HECTD4: variants seen among roughly 807,000 people sequenced by gnomAD.
HECTD4 encodes the protein HECT domain E3 ubiquitin protein ligase 4.
In HECTD4, 114 loss-of-function variants were observed where a neutral mutation model predicts 471.5. That is an observed-to-expected ratio of 0.24 (90% CI 0.21 to 0.28). The LOEUF is 0.28. HECTD4 is among the 10% of genes least tolerant of loss of function. The pLI, the probability that HECTD4 is intolerant of heterozygous loss-of-function variation, is 1.00. For synonymous variants in HECTD4, 2,012 were observed against 2,256.0 expected (o/e 0.89, Z 3.07); for missense variants, 3,866 against 5,651.5 (o/e 0.68, Z 10.13).
At chr12:112,279,529 T>C in intron 8 of HECTD4, 143 bp from the exon 9 acceptor site, 1 of 691,322 alleles carries the variant, frequency 1.4e-6, no homozygotes, top group Non-Finnish European at 2.3e-6. Context: ...GAAAACAGAA[T>C]AAGAAGTAAT....
At chr12:112,367,835 A>AC (rs906579023) in intron 1 of HECTD4, among the ~76,000 whole-genome samples, 2 of 149,290 alleles carry the variant, frequency 1.3e-5, no homozygotes, top group African/African-American at 4.9e-5. Context: ...AAAAAAAAAA[A>AC]AAAAAAAAAA....
At chr12:112,295,519 T>TC (rs1379145940) in intron 7 of HECTD4, among the ~76,000 whole-genome samples, 1 of 150,782 alleles carries the variant, frequency 6.6e-6, no homozygotes, top group Non-Finnish European at 1.5e-5. Flanking sequence ...TTTTTTTTTT[T>TC]AGTAGAGACA....
intron 37 of HECTD4, among the ~76,000 whole-genome samples, chr12:112,234,144 T>C (rs1261195596): frequency 6.6e-6 from 1 of 152,222 alleles, no homozygotes; most frequent in African/African-American, 2.4e-5. Context: ...TTTTAGGCTA[T>C]TAAACTATTT....
chr12:112,198,564 G>A (rs2032318705), intron 55 of HECTD4, among the ~76,000 whole-genome samples: 1 of 152,184 alleles, frequency 6.6e-6, no homozygotes, highest in South Asian at 2.1e-4. Flanking sequence ...ATGGAGACGT[G>A]TGCAGATGGG....
intron 18 of HECTD4, 84 bp downstream of exon 18, chr12:112,261,221 C>T (rs1235876799): frequency 5.2e-5 from 71 of 1,374,638 alleles, no homozygotes; most frequent in Non-Finnish European, 6.7e-5. Context: ...ATTGATCCTT[C>T]TATATTCTAA....
At chr12:112,278,897 A>C (rs905561263) in intron 9 of HECTD4, among the ~76,000 whole-genome samples, 4 of 152,250 alleles carry the variant, frequency 2.6e-5, no homozygotes, top group Non-Finnish European at 4.4e-5. Flanking sequence ...CGTCTAAAAA[A>C]AAAGAAATTC....
intron 14 of HECTD4, 145 bp downstream of exon 14, chr12:112,266,767 C>T: frequency 1.6e-6 from 1 of 629,546 alleles, no homozygotes; most frequent in Non-Finnish European, 2.9e-6. Flanking sequence ...CAGGTGTGAG[C>T]CACCGTGCCT....
In HECTD4 at chr12:112,382,026, T is replaced by G. The variant is rs1273536680; in HGVS notation, c.103A>C (p.Ile35Leu). The change falls in exon 1 of 76, where the codon ATC becomes CTC. Residue 35 changes from isoleucine to leucine, a missense_variant. Physicochemically the swap from Ile to Leu is conservative, Grantham distance 5 (BLOSUM62 2). Around this residue, in one of 16 missense-constraint regions of HECTD4, gnomAD observed 440 missense variants for 636.0 expected, o/e 0.69. Coordinates refer to ENST00000682272, the MANE Select transcript of HECTD4 (RefSeq NM_001388303.1). The part of the protein sequence containing the change: ...EETIFLHDGL[I>L]RVTDLAELPS... ...AGCTCGGCCAGGTCGGTGACCCGGA[T>G]CAGCCCGTCGTGCAGGAAGATGGTC... is the stretch of plus-strand genomic sequence containing the variant. The G allele has an allele frequency of 8.2e-7, 1 of 1,224,022 alleles. No individual in the cohort carries two copies. Among genetic ancestry groups the G allele is most frequent in the Non-Finnish European group, 1.0e-6 (1 of 983,102 alleles). 75.8% of individuals were successfully genotyped at this position (1,224,022 alleles called of 1,614,324 possible). A position where few individuals can be genotyped will look rare whatever the true frequency, so the allele number is the denominator to read the frequency against.
chr12:112,281,983 A>G (rs1360757050), intron 8 of HECTD4, among the ~76,000 whole-genome samples: 1 of 152,176 alleles, frequency 6.6e-6, no homozygotes. Context: ...TGAAAATCTA[A>G]TGAAAGTTAT....
At chr12:112,231,790 C>T in intron 38 of HECTD4, 75 bp from the exon 39 acceptor site, 2 of 1,245,448 alleles carry the variant, frequency 1.6e-6, no homozygotes, top group South Asian at 1.3e-5. Context: ...TCTATTTCCC[C>T]TCAATTACCA....
chr12:112,314,471 A>G lies in HECTD4; in HGVS notation c.771T>C (p.Ala257=). ...TGACAACTTACCTATATAGCACATC[A>G]GCTACAGGCAGGGACCCTAGATCCG... ...KQTDLGSLPV[A]DVLYRLLLLE... is the part of the protein sequence containing the mutation. The change falls in exon 3 of 76, where the codon GCT becomes GCC. Residue 257 remains alanine, a synonymous_variant. Coordinates refer to ENST00000682272, the MANE Select transcript of HECTD4 (RefSeq NM_001388303.1). The G allele has an allele frequency of 6.6e-7, 1 of 1,524,574 alleles. No homozygotes were observed. The highest frequency in any genetic ancestry group is 8.8e-7 in the Non-Finnish European group (1 of 1,136,404). The allele number at this position is 1,524,574 out of a possible 1,614,324, so 94.4% of individuals were successfully genotyped here. A position where few individuals can be genotyped will look rare whatever the true frequency, so the allele number is the denominator to read the frequency against.
At position 112,306,604 on chromosome 12, in the gene HECTD4, T is replaced by G. The variant is rs530379077; in HGVS notation, c.1165-370A>C. Among the ~76,000 whole-genome samples the G allele has an allele frequency of 1.5e-3, 223 of 152,330 alleles. 1 individual carries two copies. Among genetic ancestry groups the G allele is most frequent in the Non-Finnish European group, 2.6e-3 (180 of 68,032 alleles). On this transcript the variant is annotated intron_variant, in intron 6 of 75. Coordinates refer to ENST00000682272, the MANE Select transcript of HECTD4 (RefSeq NM_001388303.1). ...GAGAAGCAACACTTTCTGAAATTTCTTTAGTAAATGAATTTATGATAATTT... is the reference window on the plus strand; with the variant it reads ...GAGAAGCAACACTTTCTGAAATTTCGTTAGTAAATGAATTTATGATAATTT...
At chr12:112,195,521 T>C (rs1037710044) in intron 55 of HECTD4, among the ~76,000 whole-genome samples, 2 of 152,266 alleles carry the variant, frequency 1.3e-5, no homozygotes, top group East Asian at 1.9e-4. Context: ...GGGCCACATA[T>C]TGGATTCCAT....
At chr12:112,311,032 C>A (rs573466111) in intron 4 of HECTD4, among the ~76,000 whole-genome samples, 1 of 152,046 alleles carries the variant, frequency 6.6e-6, no homozygotes, top group South Asian at 2.1e-4. Context: ...GAGGCCGAGG[C>A]GGGCAGATCA....
chr12:112,264,601 T>C (rs2034225315), intron 16 of HECTD4, among the ~76,000 whole-genome samples: 1 of 152,058 alleles, frequency 6.6e-6, no homozygotes, highest in Non-Finnish European at 1.5e-5. Flanking sequence ...TAAAAATTAA[T>C]AGGGAAAAAA....
In HECTD4 at chr12:112,345,000, TC is replaced by T. The variant is rs147194831; in HGVS notation, c.178-25259del. Among the ~76,000 whole-genome samples, 1,213 of 151,912 alleles carry T rather than the reference TC, an allele frequency of 8.0e-3. 15 individuals are homozygous for T. Among genetic ancestry groups the T allele is most frequent in the African/African-American group, 0.028 (1,166 of 41,450 alleles). On this transcript the variant is annotated intron_variant, in intron 1 of 75. Transcript: ENST00000682272. ...GGCTGGGTACAGAGGTGCATGCCTG[TC>T]CCAGCACTTTGGGAGGCCAAGGCAA... is the stretch of plus-strand genomic sequence containing the variant.
At chr12:112,348,707 G>A (rs527478394) in intron 1 of HECTD4, among the ~76,000 whole-genome samples, 65 of 152,180 alleles carry the variant, frequency 4.3e-4, no homozygotes, top group African/African-American at 1.5e-3. Context: ...TCACACCACC[G>A]CAGTCTAGCT....
chr12:112,282,408 C>G (rs1179597053), intron 8 of HECTD4, among the ~76,000 whole-genome samples: 2 of 151,216 alleles, frequency 1.3e-5, no homozygotes, highest in African/African-American at 4.9e-5. Flanking sequence ...AAACAAAAAA[C>G]AACAACAACG....
In HECTD4 at chr12:112,273,713, T is replaced by C; in HGVS notation, c.1884A>G (p.Gln628=). ...GTCTCTGGCAGACATAATGGAAGGCTTGATTCCCAGGGTTACACCACTGAT... is the reference window on the plus strand; with the variant it reads ...GTCTCTGGCAGACATAATGGAAGGCCTGATTCCCAGGGTTACACCACTGAT... ...YIDQWCNPGN[Q]AFHYVCQRLG... The change falls in exon 11 of 76, where the codon CAA becomes CAG. Residue 628 remains glutamine, a synonymous_variant. Coordinates refer to ENST00000682272, the MANE Select transcript of HECTD4 (RefSeq NM_001388303.1). 2.5e-6 allele frequency: 4 copies of C among 1,614,016 alleles called. No homozygotes were observed. The highest frequency in any genetic ancestry group is 1.1e-5 in the South Asian group (1 of 91,084).
Sources: allele counts gnomAD v4.1 joint callset (sites outside exome capture counted in the v4.1 genomes callset), GRCh38; gene constraint gnomAD v4.1.1; regional missense constraint gnomAD v4.1.1; transcripts MANE v1.5; gene names NCBI Gene and HGNC (gene_info 2026-07-23, HGNC 2026-07-21).